Variants in STIM1 observed in about 807,000 individuals in gnomAD.
The protein encoded by STIM1 is stromal interaction molecule 1.
Under a neutral mutation model 74.7 loss-of-function variants are expected in STIM1, and 25 were observed. That is an observed-to-expected ratio of 0.33 (90% CI 0.24 to 0.47). The LOEUF (loss-of-function observed/expected upper bound fraction) is 0.47. Ranked by LOEUF, STIM1 falls within the 20% of genes least tolerant of loss-of-function variation. The pLI is 1.00. For missense variants in STIM1, 728 were observed against 920.8 expected (o/e 0.79, Z 2.71); for synonymous variants, 328 against 348.8 (o/e 0.94, Z 0.66).
chr11:3,912,557 G>A (rs546486673), intron 1 of STIM1, among the ~76,000 whole-genome samples: 4 of 151,912 alleles, frequency 2.6e-5, no homozygotes, highest in Non-Finnish European at 5.9e-5. Flanking sequence ...GTAGAGATGG[G>A]GTTTCGCCAT....
intron 12 of STIM1, among the ~76,000 whole-genome samples, chr11:4,090,346 G>C (rs1262395982): frequency 6.6e-6 from 1 of 152,192 alleles, no homozygotes; most frequent in Non-Finnish European, 1.5e-5. Flanking sequence ...CTGAACCACT[G>C]CTCTTTAAAG....
Position 4,077,460 on chromosome 11 carries a change from AT to A in STIM1, c.969+2782del, listed in dbSNP as rs1239424194. The stretch of plus-strand genomic sequence containing the variant: ...TTTATAATCAAAGTTAGAGATTTTA[AT>A]ATGCTTCTCTCAATAAGCCACCAAC... On this transcript the variant is annotated intron_variant, in intron 7 of 12. Transcript: ENST00000526596. Among the ~76,000 whole-genome samples the A allele has an allele frequency of 2.0e-4, 30 of 152,270 alleles. 1 individual carries two copies. The highest frequency in any genetic ancestry group is 2.9e-4 in the Non-Finnish European group (20 of 67,964).
chr11:4,060,910 G>A (rs990656788), intron 5 of STIM1, among the ~76,000 whole-genome samples: 2 of 152,158 alleles, frequency 1.3e-5, no homozygotes, highest in Non-Finnish European at 2.9e-5. Flanking sequence ...CTTGAGCTGA[G>A]TCTTAAAAGA....
chr11:4,055,733 T>A, intron 4 of STIM1, 96 bp downstream of exon 4: 4 of 915,074 alleles, frequency 4.4e-6, no homozygotes, highest in Non-Finnish European at 6.7e-6. Context: ...AGTGAGGTTC[T>A]GCCTTTTTCA....
At chr11:3,986,903 C>A (rs1164160129) in intron 2 of STIM1, among the ~76,000 whole-genome samples, 1 of 152,194 alleles carries the variant, frequency 6.6e-6, no homozygotes, top group Admixed American at 6.5e-5. Context: ...CAGTACCCAA[C>A]ATGCATCAGG....
At chr11:3,876,146 T>C (rs539724289) in intron 1 of STIM1, among the ~76,000 whole-genome samples, 1 of 151,582 alleles carries the variant, frequency 6.6e-6, no homozygotes, top group South Asian at 2.1e-4. Context: ...TTAAGTAAGA[T>C]AATGTATGTG....
intron 1 of STIM1, among the ~76,000 whole-genome samples, chr11:3,909,374 C>T (rs2092522244): frequency 1.3e-5 from 2 of 152,192 alleles, no homozygotes; most frequent in South Asian, 4.1e-4. Flanking sequence ...TAACATATCT[C>T]CCTCCTAAGT....
chr11:4,085,103 C>T (rs959346173), intron 11 of STIM1, among the ~76,000 whole-genome samples: 1 of 151,940 alleles, frequency 6.6e-6, no homozygotes, highest in Non-Finnish European at 1.5e-5. Context: ...TCATGTTTCT[C>T]CCTTTTCTTC....
intron 2 of STIM1, among the ~76,000 whole-genome samples, chr11:4,013,555 G>A (rs1438805565): frequency 2.0e-5 from 3 of 151,384 alleles, no homozygotes; most frequent in Admixed American, 2.0e-4. Context: ...GGTGTTTATA[G>A]TATTCTCTGA....
intron 3 of STIM1, among the ~76,000 whole-genome samples, chr11:4,044,290 T>G (rs1428814618): frequency 6.6e-6 from 1 of 152,208 alleles, no homozygotes; most frequent in Admixed American, 6.5e-5. Flanking sequence ...TACTAAGCTC[T>G]CCTTGCCAAA....
At chr11:4,028,101 G>A (rs1423939079) in intron 3 of STIM1, among the ~76,000 whole-genome samples, 3 of 152,058 alleles carry the variant, frequency 2.0e-5, no homozygotes, top group Non-Finnish European at 4.4e-5. Flanking sequence ...TTCTTCTTTT[G>A]AGACAGAGTC....
chr11:3,921,513 G>A (rs1477099721), intron 1 of STIM1, among the ~76,000 whole-genome samples: 1 of 152,158 alleles, frequency 6.6e-6, no homozygotes. Context: ...ATGCTAACCA[G>A]ACAGCATTAG....
At chr11:3,922,259 C>T (rs2092726719) in intron 1 of STIM1, among the ~76,000 whole-genome samples, 1 of 151,900 alleles carries the variant, frequency 6.6e-6, no homozygotes, top group Non-Finnish European at 1.5e-5. Context: ...ATTTGTTTTT[C>T]CCCAGTGACT....
rs566857838 is a variant in STIM1 at position 4,059,485 on chromosome 11, C to G, written c.613+89C>G. ...GGCTAAGGCTAAGGCTCTGGGTCTCCTAGGCACACCTGCAAGATAGCACCT... is the reference window on the plus strand; with the variant it reads ...GGCTAAGGCTAAGGCTCTGGGTCTCGTAGGCACACCTGCAAGATAGCACCT... On this transcript the variant is annotated intron_variant, in intron 5 of 12. Transcript: ENST00000526596. The G allele has an allele frequency of 1.9e-5, 19 of 989,510 alleles. No homozygotes were observed. In the Middle Eastern group the frequency reaches 1.0e-3, roughly 54 times the overall value. The allele number at this position is 989,510 out of a possible 1,614,324, so 61.3% of individuals were successfully genotyped here. A position where few individuals can be genotyped will look rare whatever the true frequency, so the allele number is the denominator to read the frequency against.
chr11:3,987,538 A>G (rs1254100640), intron 2 of STIM1, among the ~76,000 whole-genome samples: 2 of 152,196 alleles, frequency 1.3e-5, no homozygotes, highest in African/African-American at 4.8e-5. Context: ...TTTCCTCTGC[A>G]TAGAACAGTG....
chr11:4,005,138 C>T (rs1261301550), intron 2 of STIM1, among the ~76,000 whole-genome samples: 1 of 152,182 alleles, frequency 6.6e-6, no homozygotes, highest in Non-Finnish European at 1.5e-5. Context: ...GTTGGTGGGA[C>T]TGTAAACTAG....
At chr11:4,055,382 T>C in intron 3 of STIM1, 144 bp from the exon 4 acceptor site, 1 of 698,376 alleles carries the variant, frequency 1.4e-6, no homozygotes, top group Non-Finnish European at 2.6e-6. Flanking sequence ...AGACTCACAG[T>C]GTATACTCCT....
At chr11:3,893,357 A>G (rs1200364343) in intron 1 of STIM1, among the ~76,000 whole-genome samples, 1 of 152,260 alleles carries the variant, frequency 6.6e-6, no homozygotes, top group African/African-American at 2.4e-5. Context: ...TGGAAATTGT[A>G]CATTTACCTA....
intron 1 of STIM1, among the ~76,000 whole-genome samples, chr11:3,860,568 G>A (rs1425277679): frequency 1.3e-5 from 2 of 152,192 alleles, no homozygotes; most frequent in East Asian, 1.9e-4. Flanking sequence ...GGAGAGCTGG[G>A]GGAGGCCTTA....
Sources: allele counts gnomAD v4.1 joint callset (sites outside exome capture counted in the v4.1 genomes callset), GRCh38; gene constraint gnomAD v4.1.1; transcripts MANE v1.5; gene names NCBI Gene and HGNC (gene_info 2026-07-23, HGNC 2026-07-21).